The following AKR1C8 variants were observed in gnomAD, a reference collection of about 807,000 sequenced individuals.
AKR1C8 encodes aldo-keto reductase family 1 member C-like protein 1.
the AKR1C8 span, among the ~76,000 whole-genome samples, chr10:5,151,647 C>A: frequency 6.6e-6 from 1 of 150,458 alleles, no homozygotes; most frequent in African/African-American, 2.4e-5. Flanking sequence ...ACCTCTGCCT[C>A]CTGGGTTCAA....
the AKR1C8 span, among the ~76,000 whole-genome samples, chr10:5,173,547 A>G: frequency 1.3e-5 from 2 of 152,048 alleles, no homozygotes; most frequent in Non-Finnish European, 2.9e-5. Flanking sequence ...AAACCTGAAC[A>G]TAACTATAAA....
the AKR1C8 span, among the ~76,000 whole-genome samples, chr10:5,131,059 A>G: frequency 6.6e-6 from 1 of 152,060 alleles, no homozygotes; most frequent in African/African-American, 2.4e-5. Context: ...TCTTTGATAA[A>G]GCAAACAAAA....
chr10:5,167,759 G>A, the AKR1C8 span, among the ~76,000 whole-genome samples: 1 of 136,472 alleles, frequency 7.3e-6, no homozygotes, highest in Non-Finnish European at 1.6e-5. Flanking sequence ...TGCACATGTA[G>A]CCTAAAACTT....
chr10:5,139,181 C>T, the AKR1C8 span, among the ~76,000 whole-genome samples: 189 of 152,304 alleles, frequency 1.2e-3, 1 homozygote, highest in African/African-American at 4.3e-3. Flanking sequence ...ACATTCCATG[C>T]TCATGGATAG....
chr10:5,168,359 C>T, the AKR1C8 span, among the ~76,000 whole-genome samples: 1 of 152,018 alleles, frequency 6.6e-6, no homozygotes, highest in African/African-American at 2.4e-5. Flanking sequence ...CCTTCTTGTT[C>T]CCATTTTCCA....
the AKR1C8 span, among the ~76,000 whole-genome samples, chr10:5,135,508 A>AATCTATCT: frequency 6.6e-6 from 1 of 151,540 alleles, no homozygotes; most frequent in Non-Finnish European, 1.5e-5. Context: ...TTCCATCTGG[A>AATCTATCT]ATCTATCTAT....
At chr10:5,178,792 T>C in the AKR1C8 span, among the ~76,000 whole-genome samples, 2 of 125,498 alleles carry the variant, frequency 1.6e-5, no homozygotes, top group African/African-American at 3.0e-5. Context: ...GAGACTAGGA[T>C]TGCAACCCCT....
chr10:5,162,695 A>G, the AKR1C8 span, among the ~76,000 whole-genome samples: 2 of 152,346 alleles, frequency 1.3e-5, no homozygotes, highest in East Asian at 3.9e-4. Context: ...TTCTACCAGT[A>G]AAATATTTCA....
chr10:5,142,115 G>A, the AKR1C8 span, among the ~76,000 whole-genome samples: 2 of 151,868 alleles, frequency 1.3e-5, no homozygotes, highest in Admixed American at 6.6e-5. Context: ...GCACTTTTTT[G>A]TTATGGAAAT....
chr10:5,132,142 A>G, the AKR1C8 span, among the ~76,000 whole-genome samples: 2 of 152,110 alleles, frequency 1.3e-5, no homozygotes, highest in African/African-American at 4.8e-5. Flanking sequence ...ATGTAAAGAC[A>G]TACAGATGAT....
At chr10:5,174,581 C>A in the AKR1C8 span, among the ~76,000 whole-genome samples, 2 of 151,934 alleles carry the variant, frequency 1.3e-5, no homozygotes, top group East Asian at 3.9e-4. Context: ...AATAACCACA[C>A]CTCTAACTAT....
the AKR1C8 span, among the ~76,000 whole-genome samples, chr10:5,175,319 G>A: frequency 6.6e-6 from 1 of 151,906 alleles, no homozygotes; most frequent in African/African-American, 2.4e-5. Context: ...CATTTTTTAT[G>A]GCTACATAGT....
the AKR1C8 span, among the ~76,000 whole-genome samples, chr10:5,163,431 T>C: frequency 6.6e-6 from 1 of 152,210 alleles, no homozygotes; most frequent in African/African-American, 2.4e-5. Flanking sequence ...CTATCATTTT[T>C]AGAGCAATTC....
chr10:5,174,704 TATAA>T, the AKR1C8 span, among the ~76,000 whole-genome samples: 1 of 152,010 alleles, frequency 6.6e-6, no homozygotes, highest in Non-Finnish European at 1.5e-5. Flanking sequence ...TTGAGACTAC[TATAA>T]ATAAATTTAC....
the AKR1C8 span, among the ~76,000 whole-genome samples, chr10:5,172,068 C>A: frequency 6.6e-6 from 1 of 151,974 alleles, no homozygotes; most frequent in African/African-American, 2.4e-5. Context: ...CAGACAGAAG[C>A]GCAGATAAGG....
the AKR1C8 span, chr10:5,155,429 A>G: frequency 4.4e-6 from 1 of 225,436 alleles, no homozygotes; most frequent in African/African-American, 2.3e-5. Context: ...AGGCACAGAT[A>G]GTAAGGGCCT....
the AKR1C8 span, among the ~76,000 whole-genome samples, chr10:5,144,062 A>G: frequency 6.6e-6 from 1 of 152,200 alleles, no homozygotes; most frequent in East Asian, 1.9e-4. Context: ...ATAGTTATGG[A>G]AAATTATTCA....
chr10:5,121,512 A>T, the AKR1C8 span, among the ~76,000 whole-genome samples: 910 of 152,224 alleles, frequency 6.0e-3, 5 homozygotes, highest in African/African-American at 0.021. Flanking sequence ...GGAAGACATA[A>T]ATTTGGGAGA....
the AKR1C8 span, among the ~76,000 whole-genome samples, chr10:5,148,403 T>C: frequency 6.6e-6 from 1 of 152,104 alleles, no homozygotes; most frequent in East Asian, 1.9e-4. Flanking sequence ...ATCAATCTAT[T>C]AGAGGTTTGT....
Sources: allele counts gnomAD v4.1 joint callset (sites outside exome capture counted in the v4.1 genomes callset), GRCh38; gene constraint gnomAD v4.1.1; transcripts MANE v1.5; gene names NCBI Gene and HGNC (gene_info 2026-07-23, HGNC 2026-07-21).